The following RNF150 variants were observed in gnomAD, a reference collection of about 807,000 sequenced individuals.
The protein encoded by RNF150 is ring finger protein 150.
Under a neutral mutation model 39.3 loss-of-function variants are expected in RNF150, and 24 were observed. The ratio of observed to expected loss-of-function variants is 0.61; its 90% CI spans 0.44 to 0.86. The LOEUF is 0.86. Ranked by LOEUF, RNF150 falls within the 40% of genes least tolerant of loss-of-function variation. RNF150 has a pLI of 0.00. For synonymous variants in RNF150, 255 were observed against 227.3 expected, an observed-to-expected ratio of 1.12 and a Z score of -1.10; for missense variants, 502 against 587.8, an observed-to-expected ratio of 0.85 and a Z score of 1.51.
At chr4:141,107,049 GATAAAT>G (rs1739235642) in intron 1 of RNF150, among the ~76,000 whole-genome samples, 1 of 151,946 alleles carries the variant, frequency 6.6e-6, no homozygotes. Flanking sequence ...CCAAATTGAG[GATAAAT>G]ATAAACACAA....
chr4:140,968,103 T>C (rs1445357343), intron 1 of RNF150, among the ~76,000 whole-genome samples: 2 of 152,090 alleles, frequency 1.3e-5, no homozygotes, highest in African/African-American at 4.8e-5. Context: ...GAACCTAAAA[T>C]GCATTCATGA....
chr4:140,974,509 T>G (rs1235795553), intron 1 of RNF150, among the ~76,000 whole-genome samples: 13 of 152,204 alleles, frequency 8.5e-5, no homozygotes, highest in Admixed American at 6.5e-4. Context: ...ATCTCTGGGA[T>G]GAATGCAAAG....
In RNF150 at chr4:140,866,597, T is replaced by C. The variant is rs902816345; in HGVS notation, c.*1664A>G. On this transcript the variant is annotated 3_prime_UTR_variant, in exon 7 of 7. Coordinates refer to ENST00000515673, the MANE Select transcript of RNF150 (RefSeq NM_020724.2). ...GGTGAAAAAGGAGCAGCTAGTATTC[T>C]CCGTTGACCTGCACACCATGTTTCA... is the stretch of plus-strand genomic sequence containing the variant. 2 of 152,226 alleles carry C rather than the reference T, an allele frequency of 1.3e-5. No homozygotes were observed. The highest frequency in any genetic ancestry group is 2.9e-5 in the Non-Finnish European group (2 of 68,054). The allele number at this position is 152,226 out of a possible 1,614,324, so 9.4% of individuals were successfully genotyped here. A position where few individuals can be genotyped will look rare whatever the true frequency, so the allele number is the denominator to read the frequency against.
Position 140,970,529 on chromosome 4 carries a change from G to T in RNF150, c.485-2656C>A, listed in dbSNP as rs142463053. 1.1e-4 allele frequency among the ~76,000 whole-genome samples: 15 copies of T among 137,382 alleles called. No individual in the cohort carries two copies. In the East Asian group the frequency reaches 2.8e-3, roughly 26 times the overall value. 90.1% of individuals were successfully genotyped at this position (137,382 alleles called of 152,430 possible). On this transcript the variant is annotated intron_variant, in intron 1 of 6. Coordinates refer to ENST00000515673, the MANE Select transcript of RNF150 (RefSeq NM_020724.2). ...ACTTAAGAAACTAGAGTCTAACAGA[G>T]TTGGCTTCTGGACCTGGACAGCTTG...
chr4:141,031,757 G>A (rs1697628898), intron 1 of RNF150, among the ~76,000 whole-genome samples: 1 of 152,012 alleles, frequency 6.6e-6, no homozygotes, highest in East Asian at 1.9e-4. Context: ...AAAAGTTTTG[G>A]TAATGATGTG....
intron 6 of RNF150, among the ~76,000 whole-genome samples, chr4:140,885,131 G>A (rs958873552): frequency 6.6e-6 from 1 of 150,722 alleles, no homozygotes; most frequent in African/African-American, 2.4e-5. Context: ...CAACATGGCT[G>A]TACTGTTTTT....
intron 1 of RNF150, among the ~76,000 whole-genome samples, chr4:141,078,511 T>C (rs1737990562): frequency 6.6e-6 from 1 of 151,716 alleles, no homozygotes; most frequent in Admixed American, 6.6e-5. Flanking sequence ...TAAAGATATG[T>C]TCATAATCAC....
At chr4:140,995,570 T>C (rs1734335602) in intron 1 of RNF150, among the ~76,000 whole-genome samples, 1 of 152,156 alleles carries the variant, frequency 6.6e-6, no homozygotes, top group South Asian at 2.1e-4. Context: ...ACGTGTCTTA[T>C]GGAAAGCTGC....
intron 1 of RNF150, among the ~76,000 whole-genome samples, chr4:141,159,184 T>C (rs1342511220): frequency 1.3e-5 from 2 of 152,184 alleles, no homozygotes; most frequent in Non-Finnish European, 2.9e-5. Context: ...TGTAAAGAAC[T>C]GGGTAAGAAA....
chr4:141,078,860 C>CAT (rs1271855699), intron 1 of RNF150, among the ~76,000 whole-genome samples: 80 of 136,664 alleles, frequency 5.9e-4, no homozygotes, highest in African/African-American at 1.6e-3. Flanking sequence ...TACATACATA[C>CAT]ATATATATAT....
chr4:140,951,720 G>A (rs1049818089), intron 2 of RNF150, among the ~76,000 whole-genome samples: 2 of 151,948 alleles, frequency 1.3e-5, no homozygotes, highest in Non-Finnish European at 1.5e-5. Flanking sequence ...GAAGGACCCC[G>A]GGGCAAGGAC....
chr4:140,997,134 G>A (rs528017124), intron 1 of RNF150: 1 of 152,180 alleles, frequency 6.6e-6, no homozygotes. Context: ...ACTACAGATG[G>A]AAGTGAGTGT....
intron 1 of RNF150, among the ~76,000 whole-genome samples, chr4:141,071,194 G>A (rs1454403019): frequency 7.3e-6 from 1 of 136,702 alleles, no homozygotes; most frequent in Non-Finnish European, 1.6e-5. Flanking sequence ...AGATCACATG[G>A]GCACAGGAAG....
At chr4:140,874,044 A>G (rs1729053060) in intron 6 of RNF150, among the ~76,000 whole-genome samples, 1 of 145,826 alleles carries the variant, frequency 6.9e-6, no homozygotes, top group Admixed American at 6.8e-5. Context: ...TTTAATTCTG[A>G]GTAAAATCCA....
chr4:140,934,624 TTA>T (rs1731767873), intron 4 of RNF150, among the ~76,000 whole-genome samples: 1 of 152,084 alleles, frequency 6.6e-6, no homozygotes, highest in Admixed American at 6.6e-5. Flanking sequence ...TAAATTTGAT[TTA>T]GTTTCCTTGA....
At chr4:141,149,048 G>A (rs1207820481) in intron 1 of RNF150, among the ~76,000 whole-genome samples, 1 of 152,150 alleles carries the variant, frequency 6.6e-6, no homozygotes, top group African/African-American at 2.4e-5. Flanking sequence ...GTGTGGTACT[G>A]AGAGACAAAC....
At chr4:140,986,543 C>A (rs1734022602) in intron 1 of RNF150, among the ~76,000 whole-genome samples, 1 of 152,084 alleles carries the variant, frequency 6.6e-6, no homozygotes, top group South Asian at 2.1e-4. Flanking sequence ...CTGCATATCT[C>A]TTTCCATATT....
rs575906913 is a variant in RNF150, at chr4:140,950,837, T to C, written c.736-1465A>G. On this transcript the variant is annotated intron_variant, in intron 2 of 6. Coordinates refer to ENST00000515673, the MANE Select transcript of RNF150 (RefSeq NM_020724.2). ...GATAGTTTGTCCTGCGTATCTAAAA[T>C]AATGTTGACATTTTAATTAGAAGGA... Among the ~76,000 whole-genome samples the C allele has an allele frequency of 2.6e-5, 4 of 152,368 alleles. No individual in the cohort carries two copies. The South Asian group carries it at 8.3e-4, about 32-fold the overall frequency.
At chr4:141,010,497 C>T (rs1480146188) in intron 1 of RNF150, among the ~76,000 whole-genome samples, 1 of 152,166 alleles carries the variant, frequency 6.6e-6, no homozygotes, top group Admixed American at 6.5e-5. Flanking sequence ...GGGCCTCATA[C>T]CATATGTGTT....
Sources: allele counts gnomAD v4.1 joint callset (sites outside exome capture counted in the v4.1 genomes callset), GRCh38; gene constraint gnomAD v4.1.1; transcripts MANE v1.5; gene names NCBI Gene and HGNC (gene_info 2026-07-23, HGNC 2026-07-21).